RBFOX1: variants seen among roughly 807,000 people sequenced by gnomAD.
RBFOX1 encodes the protein RNA binding fox-1 homolog 1.
RBFOX1 carries 8 observed loss-of-function variants against 57.7 expected under a neutral mutation model. The observed-to-expected ratio is 0.14, with a 90% CI of 0.08 to 0.25. The LOEUF (loss-of-function observed/expected upper bound fraction) is 0.25. Among genes scored for constraint, RBFOX1 ranks in the 10% least tolerant of loss-of-function variants. The pLI is 1.00. For missense variants in RBFOX1, 611 were observed against 548.5 expected (o/e 1.11, Z -1.14); for synonymous variants, 326 against 222.4 (o/e 1.47, Z -4.15).
chr16:7,483,463 G>A (rs992772201), intron 4 of RBFOX1, among the ~76,000 whole-genome samples: 1 of 152,188 alleles, frequency 6.6e-6, no homozygotes, highest in East Asian at 1.9e-4. Flanking sequence ...TAAGCACTTT[G>A]TGGTGTCTTG....
chr16:6,232,832 C>G (rs150378692), intron 1 of RBFOX1, among the ~76,000 whole-genome samples: 2 of 152,096 alleles, frequency 1.3e-5, no homozygotes, highest in Non-Finnish European at 2.9e-5. Flanking sequence ...AGCTGGGTCC[C>G]TATGTGTTTG....
chr16:5,305,585 T>G (rs2063913418), intron 1 of RBFOX1, among the ~76,000 whole-genome samples: 1 of 152,218 alleles, frequency 6.6e-6, no homozygotes. Flanking sequence ...CTTCTCCATA[T>G]TTCTTGCCCT....
chr16:6,807,983 GTA>G (rs983584142), intron 3 of RBFOX1, among the ~76,000 whole-genome samples: 5 of 148,252 alleles, frequency 3.4e-5, no homozygotes, highest in African/African-American at 1.0e-4. Context: ...ATTGTACCCT[GTA>G]TATATATATG....
chr16:7,058,894 C>T (rs534647394), intron 4 of RBFOX1, among the ~76,000 whole-genome samples: 8 of 152,122 alleles, frequency 5.3e-5, no homozygotes, highest in East Asian at 1.9e-4. Context: ...ACATATTGCC[C>T]GCAGTTATGA....
At chr16:6,186,217 G>C (rs879514879) in intron 1 of RBFOX1, among the ~76,000 whole-genome samples, 4 of 152,130 alleles carry the variant, frequency 2.6e-5, no homozygotes, top group Non-Finnish European at 5.9e-5. Flanking sequence ...GTCATCATCA[G>C]TCTAAAACTC....
chr16:7,538,523 C>T (rs538686740), intron 5 of RBFOX1, among the ~76,000 whole-genome samples: 6 of 151,910 alleles, frequency 3.9e-5, no homozygotes, highest in Admixed American at 3.3e-4. Flanking sequence ...TAACTGGCAC[C>T]GAAGATTGAG....
intron 4 of RBFOX1, among the ~76,000 whole-genome samples, chr16:7,069,225 T>C (rs7189822): frequency 0.72 from 109,611 of 151,966 alleles, 40,144 homozygotes; most frequent in East Asian, 0.91. Flanking sequence ...CCAGGATACA[T>C]GTGCAGGATG....
At chr16:6,028,545 G>T (rs1291912376) in intron 1 of RBFOX1, among the ~76,000 whole-genome samples, 1 of 150,780 alleles carries the variant, frequency 6.6e-6, no homozygotes, top group Non-Finnish European at 1.5e-5. Flanking sequence ...TTAGCTGGGT[G>T]TGGTAGCTCA....
At chr16:7,293,948 G>A (rs944829049) in intron 4 of RBFOX1, among the ~76,000 whole-genome samples, 2 of 152,128 alleles carry the variant, frequency 1.3e-5, no homozygotes, top group Admixed American at 6.5e-5. Flanking sequence ...AGATGTTAGA[G>A]GTGAAGTCAC....
At chr16:5,982,287 T>A (rs989241044) in intron 4 of RBFOX1, among the ~76,000 whole-genome samples, 20 of 152,148 alleles carry the variant, frequency 1.3e-4, no homozygotes, top group African/African-American at 4.6e-4. Flanking sequence ...TTTTTTCTTT[T>A]TTTTGAGATG....
intron 1 of RBFOX1, among the ~76,000 whole-genome samples, chr16:6,193,857 C>G (rs2097162956): frequency 6.6e-6 from 1 of 152,058 alleles, no homozygotes. Context: ...CTTGCCGAGT[C>G]TCTGCCTCAT....
At chr16:5,497,622 C>CAAAAAAA (rs911723996) in intron 2 of RBFOX1, among the ~76,000 whole-genome samples, 103 of 53,412 alleles carry the variant, frequency 1.9e-3, no homozygotes, top group African/African-American at 0.01. Flanking sequence ...ACTAAAAATA[C>CAAAAAAA]AAAAAAAAAA....
chr16:6,178,398 T>A (rs184500532), intron 1 of RBFOX1, among the ~76,000 whole-genome samples: 2 of 152,000 alleles, frequency 1.3e-5, no homozygotes, highest in Non-Finnish European at 2.9e-5. Flanking sequence ...TTGACCAGGC[T>A]GGACTCAAAC....
intron 2 of RBFOX1, among the ~76,000 whole-genome samples, chr16:5,525,082 C>T (rs929622925): frequency 1.3e-5 from 2 of 152,206 alleles, no homozygotes; most frequent in African/African-American, 4.8e-5. Flanking sequence ...CTCAACACTG[C>T]TCCCCTGGTG....
chr16:7,160,342 AT>A (rs2078045839), intron 4 of RBFOX1, among the ~76,000 whole-genome samples: 1 of 151,328 alleles, frequency 6.6e-6, no homozygotes, highest in East Asian at 2.0e-4. Flanking sequence ...TAAAATGGCA[AT>A]GAAAAAGTAA....
intron 4 of RBFOX1, among the ~76,000 whole-genome samples, chr16:7,106,557 C>G (rs1156645665): frequency 1.3e-5 from 2 of 152,046 alleles, no homozygotes; most frequent in African/African-American, 4.8e-5. Flanking sequence ...TTTGTGTTTT[C>G]TATGTGCTTA....
At position 7,712,487 on chromosome 16, in the gene RBFOX1, A is replaced by G. The variant is rs181033523; in HGVS notation, c.*1742A>G. On this transcript the variant is annotated 3_prime_UTR_variant, in exon 16 of 16. Transcript: ENST00000550418. ...GATATTAAACCATCAATAAAGTTTC[A>G]CAAGATTTGAAAACAAAGTTTCTGT... The G allele has an allele frequency of 5.2e-5, 8 of 152,782 alleles. No homozygotes were observed. Among genetic ancestry groups the G allele is most frequent in the Admixed American group, 5.2e-4 (8 of 15,302 alleles). The allele number at this position is 152,782 out of a possible 1,614,324, so 9.5% of individuals were successfully genotyped here. A position where few individuals can be genotyped will look rare whatever the true frequency, so the allele number is the denominator to read the frequency against.
chr16:6,300,709 G>A (rs1265917355), intron 1 of RBFOX1, among the ~76,000 whole-genome samples: 2 of 152,198 alleles, frequency 1.3e-5, no homozygotes, highest in South Asian at 2.1e-4. Flanking sequence ...CTAGCTTGTA[G>A]CCCTACTCTT....
At chr16:6,506,950 A>G (rs1421105838) in intron 2 of RBFOX1, among the ~76,000 whole-genome samples, 1 of 152,082 alleles carries the variant, frequency 6.6e-6, no homozygotes, top group African/African-American at 2.4e-5. Context: ...GCCCAGCCTT[A>G]GTAGTAGCTA....
Sources: allele counts gnomAD v4.1 joint callset (sites outside exome capture counted in the v4.1 genomes callset), GRCh38; gene constraint gnomAD v4.1.1; transcripts MANE v1.5; gene names NCBI Gene and HGNC (gene_info 2026-07-23, HGNC 2026-07-21).